Variants in MEAF6 observed in about 807,000 individuals in gnomAD.
MEAF6 encodes chromatin modification-related protein MEAF6.
MEAF6 carries 15 observed loss-of-function variants against 28.9 expected under a neutral mutation model. The ratio of observed to expected loss-of-function variants is 0.52; its 90% CI spans 0.35 to 0.80. The LOEUF (loss-of-function observed/expected upper bound fraction) is 0.80, where lower values mean the gene tolerates loss of function less well. Among genes scored for constraint, MEAF6 ranks in the 30% least tolerant of loss-of-function variants. MEAF6 has a pLI of 0.01. For missense variants in MEAF6, 178 were observed against 237.5 expected, an observed-to-expected ratio of 0.75 and a Z score of 1.65; for synonymous variants, 97 against 88.7, an observed-to-expected ratio of 1.09 and a Z score of -0.53.
Position 37,509,457 on chromosome 1 carries a change from C to A in MEAF6, c.292G>T (p.Ala98Ser). The A allele has an allele frequency of 6.2e-7, 1 of 1,613,916 alleles. No homozygotes were observed. Among genetic ancestry groups the A allele is most frequent in the South Asian group, 1.1e-5 (1 of 91,042 alleles). Residue 98 changes from alanine (A) to serine (S), a missense_variant and splice_region_variant, in exon 3 of 7, where the codon GCT (alanine) becomes TCT (serine). Coordinates refer to ENST00000296214, the MANE Select transcript of MEAF6 (RefSeq NM_001270875.3). ...ATTCCCCCACCACCACTACTTACAGCTGCTGAGGTAACCGAGGATTTACTG... is the reference window on the plus strand; with the variant it reads ...ATTCCCCCACCACCACTACTTACAGATGCTGAGGTAACCGAGGATTTACTG... Reference protein sequence around the residue: ...LFSKSSVTSAAAVSALAGVQD... With the variant: ...LFSKSSVTSASAVSALAGVQD...
chr1:37,491,388 C>G lies in MEAF6; in HGVS notation c.*2711G>C, dbSNP rs1312216047. ...GGCATGGTGGTGCATGCCTGTAGTC[C>G]CAGCTACTGGGGAGGCTGAGGCAGG... On this transcript the variant is annotated 3_prime_UTR_variant, in exon 7 of 7. Transcript: ENST00000296214. Among the ~76,000 whole-genome samples the G allele has an allele frequency of 1.3e-5, 2 of 152,120 alleles. No homozygotes were observed. Among genetic ancestry groups the G allele is most frequent in the South Asian group, 2.1e-4 (1 of 4,808 alleles).
chr1:37,503,424 G>A lies in MEAF6; in HGVS notation c.341-1428C>T, dbSNP rs151066150. Among the ~76,000 whole-genome samples, 4 of 152,258 alleles carry A rather than the reference G, an allele frequency of 2.6e-5. No individual in the cohort carries two copies. The East Asian group carries it at 7.7e-4, about 29-fold the overall frequency. ...CCAGTGCTCTGGGAGGCTGAGGCAGGAGGATGGCTTGAGGCCAAATGTTCA... is the reference window on the plus strand; with the variant it reads ...CCAGTGCTCTGGGAGGCTGAGGCAGAAGGATGGCTTGAGGCCAAATGTTCA... On this transcript the variant is annotated intron_variant, in intron 4 of 6. Transcript: ENST00000296214.
intron 5 of MEAF6, among the ~76,000 whole-genome samples, chr1:37,498,195 T>G (rs562023260): frequency 6.6e-6 from 1 of 152,318 alleles, no homozygotes; most frequent in Admixed American, 6.5e-5. Context: ...GAAAGCTTAA[T>G]GTCAATATCT....
chr1:37,502,809 G>A (rs929694567), intron 4 of MEAF6, among the ~76,000 whole-genome samples: 7 of 151,980 alleles, frequency 4.6e-5, no homozygotes, highest in Admixed American at 2.6e-4. Flanking sequence ...TTGTAGAGAT[G>A]TGGTTTTGCC....
chr1:37,513,084 G>A (rs1280103732), intron 2 of MEAF6, among the ~76,000 whole-genome samples: 1 of 152,068 alleles, frequency 6.6e-6, no homozygotes, highest in Non-Finnish European at 1.5e-5. Flanking sequence ...CAGCTACTCA[G>A]GAGGAAAAAG....
intron 2 of MEAF6, among the ~76,000 whole-genome samples, chr1:37,510,938 T>C (rs1569989147): frequency 1.3e-5 from 2 of 152,064 alleles, no homozygotes; most frequent in East Asian, 3.9e-4. Context: ...CAGGCTAGTC[T>C]TGAACTCCCA....
In MEAF6 at chr1:37,491,969, G is replaced by A. The variant is rs1641947694; in HGVS notation, c.*2130C>T. On this transcript the variant is annotated 3_prime_UTR_variant, in exon 7 of 7. Transcript: ENST00000296214. The stretch of plus-strand genomic sequence containing the variant: ...GCTCTGTCGCCCAGGCTGCTGGAGT[G>A]CAGTGGCGCAACAGAGCAGTACTAT... 6.7e-6 allele frequency among the ~76,000 whole-genome samples: 1 copy of A among 148,228 alleles called. No individual in the cohort carries two copies. Among genetic ancestry groups the A allele is most frequent in the African/African-American group, 2.5e-5 (1 of 40,266 alleles).
intron 5 of MEAF6, 77 bp downstream of exon 5, chr1:37,501,727 A>T: frequency 7.5e-7 from 1 of 1,327,378 alleles, no homozygotes; most frequent in Non-Finnish European, 1.0e-6. Flanking sequence ...CAGCAATCCT[A>T]AAGAGTTTTT....
At chr1:37,508,896 G>A (rs12734946) in intron 4 of MEAF6, among the ~76,000 whole-genome samples, 15,786 of 152,120 alleles carry the variant, frequency 0.1, 1,033 homozygotes, top group South Asian at 0.17. Context: ...CAGGAATTAT[G>A]GACTAGCCTG....
At position 37,493,925 on chromosome 1, in the gene MEAF6, A is replaced by G; in HGVS notation, c.*174T>C. On this transcript the variant is annotated 3_prime_UTR_variant, in exon 7 of 7. Transcript: ENST00000296214. ...CATAAAGTAAGACCCAATGTCTTAC[A>G]GAAATGACTTGTTTGTCACCACATT... The G allele has an allele frequency of 6.3e-7, 1 of 1,580,376 alleles. No individual in the cohort carries two copies. The highest frequency in any genetic ancestry group is 8.6e-7 in the Non-Finnish European group (1 of 1,165,902).
chr1:37,491,668 C>G lies in MEAF6; in HGVS notation c.*2431G>C, dbSNP rs765708944. On this transcript the variant is annotated 3_prime_UTR_variant, in exon 7 of 7. Coordinates refer to ENST00000296214, the MANE Select transcript of MEAF6 (RefSeq NM_001270875.3). The stretch of plus-strand genomic sequence containing the variant: ...GAGCTTTGATCAGGCCGCTGCACTC[C>G]AGCCTGGGTGACAGAGCAAGATCCT... 3.3e-5 allele frequency among the ~76,000 whole-genome samples: 5 copies of G among 151,786 alleles called. No homozygotes were observed. The highest frequency in any genetic ancestry group is 5.9e-5 in the Non-Finnish European group (4 of 67,970).
At chr1:37,501,675 G>A (rs1642307494) in intron 5 of MEAF6, 129 bp downstream of exon 5, 1 of 912,508 alleles carries the variant, frequency 1.1e-6, no homozygotes, top group African/African-American at 1.7e-5. Context: ...CCGTTCACTT[G>A]GACCTAATGA....
chr1:37,494,957 C>A (rs1468207429), intron 6 of MEAF6, among the ~76,000 whole-genome samples: 1 of 151,628 alleles, frequency 6.6e-6, no homozygotes, highest in Non-Finnish European at 1.5e-5. Context: ...CTTATTAGAG[C>A]ACCTGAATTC....
At chr1:37,506,533 A>T (rs1642488983) in intron 4 of MEAF6, among the ~76,000 whole-genome samples, 1 of 151,922 alleles carries the variant, frequency 6.6e-6, no homozygotes, top group African/African-American at 2.4e-5. Context: ...CACCACGTCC[A>T]GCTACTTTTG....
chr1:37,496,048 A>T, intron 5 of MEAF6, 130 bp from the exon 6 acceptor site: 1 of 725,124 alleles, frequency 1.4e-6, no homozygotes. Context: ...TCTTCATTAG[A>T]CTATGTCATA....
In MEAF6 at chr1:37,492,032, A is replaced by AT. The variant is rs1392793685; in HGVS notation, c.*2066dup. Among the ~76,000 whole-genome samples, 4 of 134,904 alleles carry AT rather than the reference A, an allele frequency of 3.0e-5. No homozygotes were observed. The highest frequency in any genetic ancestry group is 2.6e-4 in the East Asian group (1 of 3,846). 88.5% of individuals were successfully genotyped at this position (134,904 alleles called of 152,430 possible). On this transcript the variant is annotated 3_prime_UTR_variant, in exon 7 of 7. Transcript: ENST00000296214. The stretch of plus-strand genomic sequence containing the variant: ...AATCTCAAACTGTTAAGAGTCAAAA[A>AT]TATTTTTTTTTTTTGAGATGGAGTC...
rs373902020 is a variant in MEAF6, at chr1:37,511,805, G to C, written c.206+1618C>G. ...TACCACCACAACCACCACCAAAAGGGTGACTCTCCTCAATCTTAAGACATA... is the reference window on the plus strand; with the variant it reads ...TACCACCACAACCACCACCAAAAGGCTGACTCTCCTCAATCTTAAGACATA... On this transcript the variant is annotated intron_variant, in intron 2 of 6. Coordinates refer to ENST00000296214, the MANE Select transcript of MEAF6 (RefSeq NM_001270875.3). 4.6e-5 allele frequency among the ~76,000 whole-genome samples: 7 copies of C among 152,262 alleles called. No homozygotes were observed. The South Asian group carries it at 8.3e-4, about 18-fold the overall frequency.
chr1:37,504,286 C>T (rs935044360), intron 4 of MEAF6, among the ~76,000 whole-genome samples: 1 of 152,174 alleles, frequency 6.6e-6, no homozygotes, highest in Non-Finnish European at 1.5e-5. Context: ...AATTAAACAT[C>T]TTTCCTTTAT....
chr1:37,513,378 C>T (rs1332483560), intron 2 of MEAF6, 45 bp downstream of exon 2: 4 of 1,489,256 alleles, frequency 2.7e-6, no homozygotes, highest in East Asian at 2.3e-5. Flanking sequence ...TAAAAACAAA[C>T]GTTACTAGGG....
Sources: allele counts gnomAD v4.1 joint callset (sites outside exome capture counted in the v4.1 genomes callset), GRCh38; gene constraint gnomAD v4.1.1; transcripts MANE v1.5; gene names NCBI Gene and HGNC (gene_info 2026-07-23, HGNC 2026-07-21).